The following TNFRSF21 variants were observed in gnomAD, a reference collection of about 807,000 sequenced individuals.
TNFRSF21 encodes tumor necrosis factor receptor superfamily member 21.
A neutral mutation model predicts 45.6 loss-of-function variants in TNFRSF21; 19 were observed. The ratio of observed to expected loss-of-function variants is 0.42; its 90% CI spans 0.29 to 0.61. The LOEUF (loss-of-function observed/expected upper bound fraction) is 0.61. TNFRSF21 is among the 20% of genes least tolerant of loss of function. TNFRSF21 has a pLI of 0.23. For synonymous variants in TNFRSF21, 314 were observed against 335.5 expected, an observed-to-expected ratio of 0.94 and a Z score of 0.70; for missense variants, 737 against 851.5, an observed-to-expected ratio of 0.87 and a Z score of 1.67.
chr6:47,283,857 T>C (rs112778570), intron 3 of TNFRSF21, 81 bp downstream of exon 3: 221 of 1,532,692 alleles, frequency 1.4e-4, no homozygotes, highest in African/African-American at 1.4e-3. Flanking sequence ...AAACTACGCA[T>C]TCCCATTCCT....
intron 3 of TNFRSF21, among the ~76,000 whole-genome samples, chr6:47,264,849 C>T (rs1762309622): frequency 6.6e-6 from 1 of 152,172 alleles, no homozygotes; most frequent in East Asian, 1.9e-4. Context: ...TGGAAAATGA[C>T]TGCGGCTGTC....
At chr6:47,294,176 G>C (rs1173292769) in intron 1 of TNFRSF21, among the ~76,000 whole-genome samples, 1 of 152,178 alleles carries the variant, frequency 6.6e-6, no homozygotes, top group East Asian at 1.9e-4. Flanking sequence ...ATGGAGTCTT[G>C]CTCTGTCGCC....
intron 3 of TNFRSF21, among the ~76,000 whole-genome samples, chr6:47,264,876 A>G (rs6936741): frequency 0.36 from 54,219 of 152,050 alleles, 10,016 homozygotes; most frequent in African/African-American, 0.43. Flanking sequence ...TAGCTGGAAC[A>G]CTAGGACACA....
chr6:47,275,946 A>C (rs998134957), intron 3 of TNFRSF21, among the ~76,000 whole-genome samples: 2 of 152,298 alleles, frequency 1.3e-5, no homozygotes, highest in East Asian at 3.9e-4. Flanking sequence ...TTTTCCTGAT[A>C]GACACCAGGA....
At chr6:47,246,008 A>T (rs1764819962) in intron 4 of TNFRSF21, among the ~76,000 whole-genome samples, 1 of 152,190 alleles carries the variant, frequency 6.6e-6, no homozygotes, top group African/African-American at 2.4e-5. Flanking sequence ...AAAGCAGGAA[A>T]TCTGCCCACA....
chr6:47,269,666 C>G (rs181397846), intron 3 of TNFRSF21, among the ~76,000 whole-genome samples: 39 of 152,330 alleles, frequency 2.6e-4, no homozygotes, highest in African/African-American at 9.4e-4. Flanking sequence ...ATAACAATAA[C>G]TCTCAACCAA....
At chr6:47,267,605 T>C (rs1282789951) in intron 3 of TNFRSF21, among the ~76,000 whole-genome samples, 2 of 152,148 alleles carry the variant, frequency 1.3e-5, no homozygotes, top group African/African-American at 4.8e-5. Flanking sequence ...CCATGAATGC[T>C]CCAGTATGGC....
chr6:47,243,401 A>C (rs962942951), intron 4 of TNFRSF21, among the ~76,000 whole-genome samples: 7 of 152,158 alleles, frequency 4.6e-5, no homozygotes, highest in African/African-American at 1.7e-4. Flanking sequence ...ATATTTTTGC[A>C]ATATGGTGGC....
Position 47,284,028 on chromosome 6 carries a change from G to T in TNFRSF21, c.1153C>A (p.Pro385Thr), listed in dbSNP as rs1363420480. The change falls in exon 3 of 6, where the codon CCC becomes ACC. Residue 385 changes from proline (P) to threonine (T), a missense_variant. Transcript: ENST00000296861. Reference sequence around the variant, plus strand: ...CCTGCCTTTTCCACAATGGCACTGGGATCCTGCCGGGGCCCCTTTTTCAGA... The same window carrying T: ...CCTGCCTTTTCCACAATGGCACTGGTATCCTGCCGGGGCCCCTTTTTCAGA... ...RTLKKGPRQDPSAIVEKAGLK... is the reference protein window; with the variant it reads ...RTLKKGPRQDTSAIVEKAGLK... 1 of 1,614,208 alleles carries T rather than the reference G, an allele frequency of 6.2e-7. No individual in the cohort carries two copies. The highest frequency in any genetic ancestry group is 1.1e-5 in the South Asian group (1 of 91,080).
chr6:47,294,286 G>A (rs755289736), intron 1 of TNFRSF21, among the ~76,000 whole-genome samples: 4 of 152,180 alleles, frequency 2.6e-5, no homozygotes, highest in African/African-American at 4.8e-5. Flanking sequence ...TGGGACTACA[G>A]GGGCACGCCA....
chr6:47,299,651 A>G (rs1762839635), intron 1 of TNFRSF21, among the ~76,000 whole-genome samples: 1 of 152,256 alleles, frequency 6.6e-6, no homozygotes, highest in Non-Finnish European at 1.5e-5. Context: ...ACATGAGTAC[A>G]TAATTACAAA....
chr6:47,283,591 G>A (rs996705110), intron 3 of TNFRSF21, among the ~76,000 whole-genome samples: 5 of 152,132 alleles, frequency 3.3e-5, no homozygotes, highest in Non-Finnish European at 2.9e-5. Flanking sequence ...AAAACAACTA[G>A]CCTCTTGTTT....
chr6:47,248,822 G>A (rs897703626), intron 4 of TNFRSF21, among the ~76,000 whole-genome samples: 3 of 152,184 alleles, frequency 2.0e-5, no homozygotes, highest in Non-Finnish European at 4.4e-5. Context: ...GTTTTAGCTA[G>A]TTAGGAACAT....
chr6:47,233,101 A>G (rs748765841), intron 5 of TNFRSF21, 107 bp from the exon 6 acceptor site: 3 of 939,552 alleles, frequency 3.2e-6, no homozygotes, highest in Non-Finnish European at 4.8e-6. Context: ...TGTCCCCCCC[A>G]GCCTATTATT....
chr6:47,235,026 CCTTAA>C (rs1394998964), intron 4 of TNFRSF21, 128 bp from the exon 5 acceptor site: 7 of 502,978 alleles, frequency 1.4e-5, no homozygotes, highest in Non-Finnish European at 2.0e-5. Context: ...CTTCAGTTGA[CCTTAA>C]CTTATTTATA....
chr6:47,243,295 C>T (rs1764773791), intron 4 of TNFRSF21, among the ~76,000 whole-genome samples: 2 of 152,038 alleles, frequency 1.3e-5, no homozygotes, highest in East Asian at 1.9e-4. Context: ...TATACTTATA[C>T]CAATAAATAA....
At chr6:47,292,270 G>A (rs1358192879) in intron 1 of TNFRSF21, among the ~76,000 whole-genome samples, 2 of 152,026 alleles carry the variant, frequency 1.3e-5, no homozygotes, top group Non-Finnish European at 2.9e-5. Flanking sequence ...AGTCCTACCT[G>A]GTCAAGATCC....
intron 4 of TNFRSF21, 140 bp downstream of exon 4, chr6:47,253,116 G>A: frequency 1.0e-6 from 1 of 1,000,356 alleles, no homozygotes; most frequent in Non-Finnish European, 1.4e-6. Flanking sequence ...GTGTGTGTGT[G>A]TGTGCAGGCG....
chr6:47,284,351 T>C lies in TNFRSF21; in HGVS notation c.830A>G (p.Asp277Gly), dbSNP rs1161322663. ...LSSIQEGTVP[D>G]NTSSARGKED... ...CTTCCCCCTTGCTGAGCTTGTGTTGTCAGGGACTGTCCCTTCCTGGATGCT... is the reference window on the plus strand; with the variant it reads ...CTTCCCCCTTGCTGAGCTTGTGTTGCCAGGGACTGTCCCTTCCTGGATGCT... Residue 277 changes from aspartate (D) to glycine (G), a missense_variant, in exon 3 of 6, where the codon GAC becomes GGC. Transcript: ENST00000296861. The C allele has an allele frequency of 1.3e-6, 2 of 1,577,334 alleles. No homozygotes were observed. The highest frequency in any genetic ancestry group is 1.3e-5 in the African/African-American group (1 of 74,078).
Sources: gnomAD v4.1 joint callset for allele counts (sites outside exome capture counted in the v4.1 genomes callset) on GRCh38, gnomAD v4.1.1 for gene constraint, MANE v1.5 for transcripts, NCBI Gene and HGNC (gene_info 2026-07-23, HGNC 2026-07-21) for gene names.